Variants in DNER observed in about 807,000 individuals in gnomAD.
The protein encoded by DNER is delta/notch like EGF repeat containing, also known as delta and Notch-like epidermal growth factor-related receptor.
A neutral mutation model predicts 78.2 loss-of-function variants in DNER; 33 were observed. The ratio of observed to expected loss-of-function variants is 0.42; its 90% CI spans 0.32 to 0.56. DNER has a LOEUF of 0.56. Ranked by LOEUF, DNER falls within the 20% of genes least tolerant of loss-of-function variation. DNER has a pLI of 0.11. For missense variants in DNER, 918 were observed against 975.3 expected (o/e 0.94, Z 0.78); for synonymous variants, 417 against 384.8 (o/e 1.08, Z -0.98).
intron 7 of DNER, among the ~76,000 whole-genome samples, chr2:229,457,410 G>A (rs1424228427): frequency 6.6e-6 from 1 of 151,942 alleles, no homozygotes; most frequent in Non-Finnish European, 1.5e-5. Context: ...CTACCGTTAG[G>A]TTCTTACATT....
intron 1 of DNER, among the ~76,000 whole-genome samples, chr2:229,682,243 C>T (rs371936107): frequency 6.6e-6 from 1 of 152,106 alleles, no homozygotes; most frequent in East Asian, 1.9e-4. Flanking sequence ...ATTCAGCAGA[C>T]GATAGGCTGA....
At chr2:229,648,885 C>CCAAACCT (rs1325845236) in intron 1 of DNER, among the ~76,000 whole-genome samples, 1 of 152,216 alleles carries the variant, frequency 6.6e-6, no homozygotes, top group Non-Finnish European at 1.5e-5. Context: ...ATTCACTGTT[C>CCAAACCT]CAAACCTTTT....
chr2:229,651,943 TAGAG>T (rs146501629), intron 1 of DNER, among the ~76,000 whole-genome samples: 4,487 of 152,140 alleles, frequency 0.029, 103 homozygotes, highest in Admixed American at 0.061. Context: ...ACTCCGGTGG[TAGAG>T]AGAAAGTCAG....
At chr2:229,705,806 A>G (rs543163353) in intron 1 of DNER, among the ~76,000 whole-genome samples, 1 of 152,316 alleles carries the variant, frequency 6.6e-6, no homozygotes, top group East Asian at 1.9e-4. Context: ...CATCCTGTCA[A>G]TGATTGAGGA....
rs573554066 is a variant in DNER at position 229,588,986 on chromosome 2, G to T, written c.586-498C>A. ...GATGGGTCCAGGAGCACATGCTAAG[G>T]CTGGGGAGCTTGAACGCTGCCTTTC... On this transcript the variant is annotated intron_variant, in intron 2 of 12. Transcript: ENST00000341772. Among the ~76,000 whole-genome samples, 6 of 152,336 alleles carry T rather than the reference G, an allele frequency of 3.9e-5. No homozygotes were observed. In the South Asian group the frequency reaches 1.2e-3, roughly 32 times the overall value.
At chr2:229,695,439 C>T (rs1204497888) in intron 1 of DNER, among the ~76,000 whole-genome samples, 1 of 151,022 alleles carries the variant, frequency 6.6e-6, no homozygotes, top group East Asian at 1.9e-4. Flanking sequence ...CCACCCATGC[C>T]TCCCCCACAG....
intron 11 of DNER, among the ~76,000 whole-genome samples, chr2:229,383,190 TC>T (rs1376513964): frequency 6.6e-6 from 1 of 152,060 alleles, no homozygotes; most frequent in Non-Finnish European, 1.5e-5. Context: ...AGAAATAAAA[TC>T]CTTTACAGAC....
At chr2:229,452,509 G>A (rs886437383) in intron 7 of DNER, among the ~76,000 whole-genome samples, 4 of 152,100 alleles carry the variant, frequency 2.6e-5, no homozygotes, top group South Asian at 2.1e-4. Context: ...AAAGACGGCC[G>A]CCATAACCTG....
chr2:229,691,269 T>G (rs555724257), intron 1 of DNER, among the ~76,000 whole-genome samples: 1 of 152,348 alleles, frequency 6.6e-6, no homozygotes, highest in South Asian at 2.1e-4. Flanking sequence ...TTGTATTTTA[T>G]GCAGTTTGAT....
intron 1 of DNER, among the ~76,000 whole-genome samples, chr2:229,671,140 G>A (rs970614883): frequency 1.3e-5 from 2 of 152,150 alleles, no homozygotes; most frequent in Admixed American, 6.5e-5. Flanking sequence ...CAACTTCAGC[G>A]GTTCCTGTAT....
At chr2:229,447,087 T>TC (rs1694357117) in intron 8 of DNER, among the ~76,000 whole-genome samples, 1 of 152,134 alleles carries the variant, frequency 6.6e-6, no homozygotes, top group Non-Finnish European at 1.5e-5. Context: ...TGAAAGAGTA[T>TC]TTTTTTAACC....
chr2:229,522,300 G>A (rs1232836040), intron 5 of DNER, among the ~76,000 whole-genome samples: 1 of 152,196 alleles, frequency 6.6e-6, no homozygotes, highest in Admixed American at 6.5e-5. Flanking sequence ...TTCAAAAGCA[G>A]CTTCCAGCCA....
At chr2:229,382,302 A>T (rs932460815) in intron 11 of DNER, among the ~76,000 whole-genome samples, 1 of 152,220 alleles carries the variant, frequency 6.6e-6, no homozygotes, top group African/African-American at 2.4e-5. Context: ...ATCCACGAAG[A>T]TGAGGAAAAA....
At chr2:229,539,739 C>T (rs1305589975) in intron 5 of DNER, among the ~76,000 whole-genome samples, 2 of 152,196 alleles carry the variant, frequency 1.3e-5, no homozygotes, top group Admixed American at 1.3e-4. Context: ...GAACCAGGCA[C>T]AGTCACTAAT....
chr2:229,411,851 G>A (rs991458928), intron 9 of DNER, among the ~76,000 whole-genome samples: 1 of 151,914 alleles, frequency 6.6e-6, no homozygotes, highest in African/African-American at 2.4e-5. Flanking sequence ...AAAATTGTAG[G>A]TATACTCAAT....
chr2:229,418,251 C>T, intron 8 of DNER, 21 bp from the exon 9 acceptor site: 1 of 1,613,352 alleles, frequency 6.2e-7, no homozygotes, highest in Non-Finnish European at 8.5e-7. Context: ...GAGAGAAAGG[C>T]CCACTGTCAA....
intron 1 of DNER, among the ~76,000 whole-genome samples, chr2:229,677,442 T>G (rs10197431): frequency 2.4e-4 from 36 of 152,336 alleles, no homozygotes; most frequent in Admixed American, 4.6e-4. Context: ...TCCAAATCCC[T>G]GTTTTGACTC....
intron 8 of DNER, among the ~76,000 whole-genome samples, chr2:229,425,914 T>C (rs1693866839): frequency 6.6e-6 from 1 of 152,196 alleles, no homozygotes; most frequent in South Asian, 2.1e-4. Flanking sequence ...CAGACTGAAT[T>C]CAAGGCAAGA....
intron 1 of DNER, among the ~76,000 whole-genome samples, chr2:229,642,431 G>A (rs1698642026): frequency 6.6e-6 from 1 of 152,088 alleles, no homozygotes; most frequent in Non-Finnish European, 1.5e-5. Context: ...AATACTATGG[G>A]AAAAAAAGCA....
Sources: gnomAD v4.1 joint callset for allele counts (sites outside exome capture counted in the v4.1 genomes callset) on GRCh38, gnomAD v4.1.1 for gene constraint, MANE v1.5 for transcripts, NCBI Gene and HGNC (gene_info 2026-07-23, HGNC 2026-07-21) for gene names.